SGCD: variants seen among roughly 807,000 people sequenced by gnomAD.
The protein encoded by SGCD is delta-sarcoglycan.
Under a neutral mutation model 36.6 loss-of-function variants are expected in SGCD, and 18 were observed. The ratio of observed to expected loss-of-function variants is 0.49; its 90% CI spans 0.34 to 0.73. The LOEUF is 0.73. Ranked by LOEUF, SGCD falls within the 30% of genes least tolerant of loss-of-function variation. The pLI, the probability that SGCD is intolerant of heterozygous loss-of-function variation, is 0.01. For missense variants in SGCD, 387 were observed against 346.7 expected (o/e 1.12, Z -0.92); for synonymous variants, 133 against 130.6 (o/e 1.02, Z -0.12).
chr5:156,532,833 A>G (rs1757942450), intron 4 of SGCD, among the ~76,000 whole-genome samples: 1 of 151,922 alleles, frequency 6.6e-6, no homozygotes, highest in South Asian at 2.1e-4. Flanking sequence ...ATGAACAGTC[A>G]AAGGATTATA....
chr5:156,456,913 A>G (rs981160407), intron 3 of SGCD, among the ~76,000 whole-genome samples: 1 of 152,226 alleles, frequency 6.6e-6, no homozygotes, highest in Admixed American at 6.5e-5. Flanking sequence ...GAATATAGAC[A>G]AAATTTTATT....
chr5:156,011,653 T>A (rs1758863782), intron 1 of SGCD, among the ~76,000 whole-genome samples: 1 of 152,162 alleles, frequency 6.6e-6, no homozygotes, highest in Non-Finnish European at 1.5e-5. Flanking sequence ...TTGGCCAGGG[T>A]GGTCTGGAAC....
intron 3 of SGCD, among the ~76,000 whole-genome samples, chr5:156,403,711 G>T (rs1580936390): frequency 6.6e-6 from 1 of 152,148 alleles, no homozygotes; most frequent in East Asian, 1.9e-4. Context: ...ATTGATCTAG[G>T]CCTTGATGTT....
chr5:156,558,279 A>C (rs1395825787), intron 4 of SGCD, among the ~76,000 whole-genome samples: 1 of 151,740 alleles, frequency 6.6e-6, no homozygotes, highest in African/African-American at 2.4e-5. Context: ...TTACCTGGAA[A>C]TAGCAATATT....
At chr5:156,461,112 T>C (rs1754467160) in intron 3 of SGCD, among the ~76,000 whole-genome samples, 1 of 152,136 alleles carries the variant, frequency 6.6e-6, no homozygotes, top group Admixed American at 6.6e-5. Flanking sequence ...AGGAGTACCT[T>C]TCAATGTGAG....
intron 3 of SGCD, among the ~76,000 whole-genome samples, chr5:156,425,313 G>A (rs1773626088): frequency 6.6e-6 from 1 of 151,990 alleles, no homozygotes; most frequent in South Asian, 2.1e-4. Context: ...CTGGAAACCA[G>A]CCTCCTTTTT....
At chr5:156,668,209 T>A (rs1753135722) in intron 7 of SGCD, among the ~76,000 whole-genome samples, 1 of 152,236 alleles carries the variant, frequency 6.6e-6, no homozygotes, top group South Asian at 2.1e-4. Context: ...CTCTTGATTT[T>A]AAGGTCATCC....
At chr5:156,428,577 G>T (rs938501198) in intron 3 of SGCD, among the ~76,000 whole-genome samples, 1 of 151,722 alleles carries the variant, frequency 6.6e-6, no homozygotes, top group Non-Finnish European at 1.5e-5. Flanking sequence ...TCTTCTGCTG[G>T]TTTGTAGTTT....
At chr5:156,365,310 A>G (rs1188547334) in intron 3 of SGCD, among the ~76,000 whole-genome samples, 3 of 152,360 alleles carry the variant, frequency 2.0e-5, no homozygotes, top group Non-Finnish European at 2.9e-5. Flanking sequence ...AGGAATTCCA[A>G]TCAGTCTTTT....
At chr5:156,240,297 AGGAG>A (rs1765275580) in intron 3 of SGCD, among the ~76,000 whole-genome samples, 1 of 152,166 alleles carries the variant, frequency 6.6e-6, no homozygotes, top group Admixed American at 6.6e-5. Context: ...AGAAAAGCAG[AGGAG>A]GGAGTGAAAG....
intron 4 of SGCD, among the ~76,000 whole-genome samples, chr5:156,584,299 C>A (rs1355612698): frequency 6.6e-6 from 1 of 152,200 alleles, no homozygotes; most frequent in Non-Finnish European, 1.5e-5. Flanking sequence ...GGTCTCACTG[C>A]ATGTGATCTC....
intron 3 of SGCD, among the ~76,000 whole-genome samples, chr5:156,162,435 G>A (rs886921150): frequency 4.0e-5 from 6 of 151,468 alleles, no homozygotes; most frequent in Admixed American, 3.3e-4. Flanking sequence ...GCAGTGTGGC[G>A]TGAGGTCTTA....
intron 3 of SGCD, among the ~76,000 whole-genome samples, chr5:156,260,311 G>A (rs1014742276): frequency 5.9e-5 from 9 of 152,160 alleles, no homozygotes; most frequent in East Asian, 1.9e-4. Context: ...GATAAGGATT[G>A]CACCAAAGCT....
intron 1 of SGCD, among the ~76,000 whole-genome samples, chr5:156,065,355 A>T (rs1410565167): frequency 1.8e-5 from 2 of 112,816 alleles, no homozygotes; most frequent in African/African-American, 8.4e-5. Flanking sequence ...TTTACTTCCA[A>T]CTATGTGGTC....
At chr5:156,586,335 C>T (rs1464727373) in intron 4 of SGCD, among the ~76,000 whole-genome samples, 2 of 152,208 alleles carry the variant, frequency 1.3e-5, no homozygotes, top group East Asian at 3.8e-4. Context: ...GTCTTTTTAT[C>T]ATATCAAGGG....
intron 1 of SGCD, among the ~76,000 whole-genome samples, chr5:155,907,616 GAGAACT>G (rs1335119446): frequency 3.3e-5 from 5 of 152,068 alleles, no homozygotes; most frequent in African/African-American, 1.2e-4. Flanking sequence ...AAAATAGTAA[GAGAACT>G]AGAATGAAAA....
chr5:156,607,280 T>C lies in SGCD; in HGVS notation c.502+12229T>C, dbSNP rs370359554. ...AGCATTGTTGAATTTTGTCAAAGGC[T>C]TTTTCTGCATCTATTGAGATAGTCA... is the stretch of plus-strand genomic sequence containing the variant. On this transcript the variant is annotated intron_variant, in intron 6 of 8. Transcript: ENST00000337851. Among the ~76,000 whole-genome samples the C allele has an allele frequency of 2.8e-4, 42 of 152,276 alleles. 1 individual carries two copies. The East Asian group carries it at 7.9e-3, about 29-fold the overall frequency.
intron 1 of SGCD, among the ~76,000 whole-genome samples, chr5:155,897,784 TTAGTTC>T (rs1365945419): frequency 6.6e-6 from 1 of 152,200 alleles, no homozygotes; most frequent in Non-Finnish European, 1.5e-5. Context: ...TAGGAAATTT[TTAGTTC>T]TATTATAATC....
chr5:156,709,977 C>A (rs912750266), intron 7 of SGCD, among the ~76,000 whole-genome samples: 2 of 151,912 alleles, frequency 1.3e-5, no homozygotes, highest in Non-Finnish European at 2.9e-5. Flanking sequence ...TGAAAAGCAC[C>A]GAGAAAGAGA....
Sources: gnomAD v4.1 joint callset for allele counts (sites outside exome capture counted in the v4.1 genomes callset) on GRCh38, gnomAD v4.1.1 for gene constraint, MANE v1.5 for transcripts, NCBI Gene and HGNC (gene_info 2026-07-23, HGNC 2026-07-21) for gene names.